KCNV2: variants seen among roughly 807,000 people sequenced by gnomAD.
KCNV2 encodes the protein potassium voltage-gated channel modifier subfamily V member 2, also known as potassium voltage-gated channel subfamily V member 2.
A neutral mutation model predicts 37.0 loss-of-function variants in KCNV2; 65 were observed. The observed-to-expected ratio is 1.76, with a 90% CI of 1.44 to 2.16. KCNV2 has a LOEUF of 2.16. KCNV2 is among the 30% of genes most tolerant of loss of function. KCNV2 has a pLI of 0.00. For synonymous variants in KCNV2, 518 were observed against 328.6 expected (o/e 1.58, Z -6.23); for missense variants, 1,232 against 766.7 (o/e 1.61, Z -7.17).
At chr9:2,720,560 T>C (rs914007411) in intron 1 of KCNV2, 1 of 152,228 alleles carries the variant, frequency 6.6e-6, no homozygotes, top group African/African-American at 2.4e-5. Context: ...TGTGTACAGA[T>C]GAGGCTCATG....
Position 2,718,307 on chromosome 9 carries a change from G to A in KCNV2, c.568G>A (p.Val190Met), listed in dbSNP as rs1186015215. 3.1e-6 allele frequency: 5 copies of A among 1,608,644 alleles called. No individual in the cohort carries two copies. Among genetic ancestry groups the A allele is most frequent in the African/African-American group, 1.3e-5 (1 of 75,050 alleles). ...RFLEELGYWG[V>M]RLKYTPRCCR... ...CCTGGAGGAGCTGGGCTACTGGGGC[G>A]TGCGGCTCAAGTACACGCCACGCTG... Residue 190 changes from valine to methionine, a missense_variant, in exon 1 of 2, where the codon GTG becomes ATG. Coordinates refer to ENST00000382082, the MANE Select transcript of KCNV2 (RefSeq NM_133497.4).
At chr9:2,720,663 A>G (rs2130863115) in intron 1 of KCNV2, 1 of 152,356 alleles carries the variant, frequency 6.6e-6, no homozygotes, top group East Asian at 1.9e-4. Context: ...GATATGATAC[A>G]ACACTTGAGA....
Position 2,725,105 on chromosome 9 carries a change from C to T in KCNV2, c.1357-4341C>T, listed in dbSNP as rs10967743. Among the ~76,000 whole-genome samples the T allele has an allele frequency of 1.4e-4, 21 of 152,174 alleles. No homozygotes were observed. In the East Asian group the frequency reaches 2.5e-3, roughly 18 times the overall value. ...GAACATGACAGCATCATTGAGGGCACGGAGAAATGCAGGGAAGCTGAGGGT... is the reference window on the plus strand; with the variant it reads ...GAACATGACAGCATCATTGAGGGCATGGAGAAATGCAGGGAAGCTGAGGGT... On this transcript the variant is annotated intron_variant, in intron 1 of 1. Coordinates refer to ENST00000382082, the MANE Select transcript of KCNV2 (RefSeq NM_133497.4).
chr9:2,727,688 C>T (rs1819991187), intron 1 of KCNV2, among the ~76,000 whole-genome samples: 2 of 152,098 alleles, frequency 1.3e-5, no homozygotes, highest in African/African-American at 4.8e-5. Context: ...CCAGCTTCAG[C>T]ATGGGGGACC....
At chr9:2,719,782 A>G (rs1055785166) in intron 1 of KCNV2, among the ~76,000 whole-genome samples, 2 of 152,264 alleles carry the variant, frequency 1.3e-5, no homozygotes, top group Non-Finnish European at 2.9e-5. Context: ...AGTCCTGTCC[A>G]TCTCCAAACT....
chr9:2,718,511 G>A lies in KCNV2; in HGVS notation c.772G>A (p.Ala258Thr), dbSNP rs762870229. The change falls in exon 1 of 2, where the codon GCC (alanine) becomes ACC (threonine). Residue 258 changes from alanine to threonine, a missense_variant. Coordinates refer to ENST00000382082, the MANE Select transcript of KCNV2 (RefSeq NM_133497.4). ...CATGGAGAAGCCATTCTCCTCGGTG[G>A]CCGCCAAGGCCATCGGGGTGGCCTC... Reference protein sequence around the residue: ...NLMEKPFSSVAAKAIGVASST... With the variant: ...NLMEKPFSSVTAKAIGVASST... The A allele has an allele frequency of 1.2e-6, 2 of 1,610,626 alleles. No homozygotes were observed. Among genetic ancestry groups the A allele is most frequent in the East Asian group, 2.2e-5 (1 of 44,726 alleles).
rs1254129691 is a variant in KCNV2 at position 2,720,710 on chromosome 9, A to C, written c.1356+1615A>C. ...ATTCATCTAAACATCTTTAAAGGCT[A>C]GTGCATGAAGGCACTGGAGCTAGTA... On this transcript the variant is annotated intron_variant, in intron 1 of 1. Transcript: ENST00000382082. Among the ~76,000 whole-genome samples the C allele has an allele frequency of 5.9e-5, 9 of 152,362 alleles. No homozygotes were observed. In the East Asian group the frequency reaches 1.5e-3, roughly 26 times the overall value.
chr9:2,729,546 G>C lies in KCNV2; in HGVS notation c.1457G>C (p.Gly486Ala). Residue 486 changes from glycine to alanine, a missense_variant, in exon 2 of 2, where the codon GGG (glycine) becomes GCG (alanine). Gly to Ala is a moderately conservative substitution (Grantham distance 60). Coordinates refer to ENST00000382082, the MANE Select transcript of KCNV2 (RefSeq NM_133497.4). ...ATTGCTTTTGGGATCATTCTCAACG[G>C]GATGCCCATTTCCATCCTCTACAAC... ...LCIAFGIILN[G>A]MPISILYNKF... is the part of the protein sequence containing the mutation. The C allele has an allele frequency of 6.2e-7, 1 of 1,614,076 alleles. No homozygotes were observed. Among genetic ancestry groups the C allele is most frequent in the Non-Finnish European group, 8.5e-7 (1 of 1,180,006 alleles).
rs1819778232 is a variant in KCNV2, at chr9:2,718,261, C to T, written c.522C>T (p.Asp174=). The T allele has an allele frequency of 1.2e-6, 2 of 1,612,822 alleles. No homozygotes were observed. The highest frequency in any genetic ancestry group is 1.7e-6 in the Non-Finnish European group (2 of 1,179,926). The stretch of plus-strand genomic sequence containing the variant: ...TGTCCGGGGTGCTGCTGGTGCTCGA[C>T]GGGCTGTGTCCGCGCCGCTTCCTGG... ...FYLSGVLLVL[D]GLCPRRFLEE... is the part of the protein sequence containing the mutation. Residue 174 remains aspartate (D), a synonymous_variant, in exon 1 of 2, where the codon GAC becomes GAT. Transcript: ENST00000382082.
At chr9:2,719,192 A>G (rs1175267075) in intron 1 of KCNV2, 97 bp downstream of exon 1, 2 of 1,369,200 alleles carry the variant, frequency 1.5e-6, no homozygotes, top group Middle Eastern at 2.4e-4. Context: ...TTGGCTTCTG[A>G]TCCTCGTCTT....
intron 1 of KCNV2, among the ~76,000 whole-genome samples, chr9:2,727,845 C>A (rs1312386613): frequency 6.6e-6 from 1 of 152,166 alleles, no homozygotes; most frequent in Non-Finnish European, 1.5e-5. Flanking sequence ...TTTAGGTGAT[C>A]TGCCCAACTT....
chr9:2,718,373 G>GA lies in KCNV2; in HGVS notation c.636dup (p.Arg213ThrfsTer159). On this transcript the variant is annotated frameshift_variant, in exon 1 of 2. Coordinates refer to ENST00000382082, the MANE Select transcript of KCNV2 (RefSeq NM_133497.4). LOFTEE classifies it high-confidence loss of function. ...CGAGGAGCGGCGCGACGAGCTGAGC[G>GA]AACGGCTCAAGATCCAGCACGAGCT... The GA allele has an allele frequency of 6.3e-7, 1 of 1,599,696 alleles. No homozygotes were observed. Among genetic ancestry groups the GA allele is most frequent in the Non-Finnish European group, 8.5e-7 (1 of 1,174,658 alleles).
At chr9:2,722,305 G>A (rs569505565) in intron 1 of KCNV2, among the ~76,000 whole-genome samples, 4 of 123,920 alleles carry the variant, frequency 3.2e-5, no homozygotes, top group Admixed American at 8.0e-5. Context: ...TTATAAATTA[G>A]AAGTTATTTA....
Position 2,719,018 on chromosome 9 carries a change from G to A in KCNV2, c.1279G>A (p.Ala427Thr). ...CGCCATGGGCATCTTCACTTTCTCTGCGGCTGTCTACTCTGTGGAGCACGA... is the reference window on the plus strand; with the variant it reads ...CGCCATGGGCATCTTCACTTTCTCTACGGCTGTCTACTCTGTGGAGCACGA... ...FIAMGIFTFSAAVYSVEHDVP... is the reference protein window; with the variant it reads ...FIAMGIFTFSTAVYSVEHDVP... The change falls in exon 1 of 2, where the codon GCG (alanine) becomes ACG (threonine). Residue 427 changes from alanine to threonine, a missense_variant. Ala to Thr is a moderately conservative substitution (Grantham distance 58). Transcript: ENST00000382082. The A allele has an allele frequency of 6.2e-7, 1 of 1,612,924 alleles. No homozygotes were observed. The highest frequency in any genetic ancestry group is 1.3e-5 in the African/African-American group (1 of 75,076).
At position 2,718,639 on chromosome 9, in the gene KCNV2, C is replaced by T. The variant is rs1284947378; in HGVS notation, c.900C>T (p.Pro300=). 2 of 1,613,120 alleles carry T rather than the reference C, an allele frequency of 1.2e-6. No individual in the cohort carries two copies. The highest frequency in any genetic ancestry group is 2.2e-5 in the South Asian group (2 of 91,088). ...GCGAGGGCGGCCCAGACCTGCGGCCCATCCTGGAGCACGTGGAGATGCTGT... is the reference window on the plus strand; with the variant it reads ...GCGAGGGCGGCCCAGACCTGCGGCCTATCCTGGAGCACGTGGAGATGCTGT... ...GQGEGGPDLR[P]ILEHVEMLCM... The change falls in exon 1 of 2, where the codon CCC becomes CCT. Residue 300 remains proline, a synonymous_variant. Transcript: ENST00000382082.
In KCNV2 at chr9:2,729,817, A is replaced by C; in HGVS notation, c.*90A>C. 1 of 1,397,610 alleles carries C rather than the reference A, an allele frequency of 7.2e-7. No individual in the cohort carries two copies. The highest frequency in any genetic ancestry group is 1.0e-6 in the Non-Finnish European group (1 of 987,838). The allele number at this position is 1,397,610 out of a possible 1,614,324, so 86.6% of individuals were successfully genotyped here. A position where few individuals can be genotyped will look rare whatever the true frequency, so the allele number is the denominator to read the frequency against. On this transcript the variant is annotated 3_prime_UTR_variant, in exon 2 of 2. Transcript: ENST00000382082. ...TCATTATGATTGGCAGCAAAAGGAA[A>C]TGTGAAGCAGACATACACAAAGGCC...
At chr9:2,726,016 T>A (rs1454213331) in intron 1 of KCNV2, among the ~76,000 whole-genome samples, 2 of 152,194 alleles carry the variant, frequency 1.3e-5, no homozygotes, top group African/African-American at 4.8e-5. Flanking sequence ...GTTTGCAGAG[T>A]TGCTGAGCTA....
At chr9:2,720,553 G>A (rs1441565002) in intron 1 of KCNV2, 2 of 152,198 alleles carry the variant, frequency 1.3e-5, no homozygotes, top group Non-Finnish European at 2.9e-5. Context: ...TAAACCATGT[G>A]TACAGATGAG....
chr9:2,727,427 TA>T (rs113866059), intron 1 of KCNV2, among the ~76,000 whole-genome samples: 3 of 151,734 alleles, frequency 2.0e-5, no homozygotes, highest in African/African-American at 7.3e-5. Context: ...AGAACTTAAA[TA>T]AAAAAAAGAC....
Sources: gnomAD v4.1 joint callset for allele counts (sites outside exome capture counted in the v4.1 genomes callset) on GRCh38, gnomAD v4.1.1 for gene constraint, MANE v1.5 for transcripts, NCBI Gene and HGNC (gene_info 2026-07-23, HGNC 2026-07-21) for gene names.